DNAJC7: variants seen among roughly 807,000 people sequenced by gnomAD.
DNAJC7 encodes the protein dnaJ homolog subfamily C member 7.
DNAJC7 carries 18 observed loss-of-function variants against 67.4 expected under a neutral mutation model. The observed-to-expected ratio is 0.27, with a 90% CI of 0.18 to 0.40. DNAJC7 has a LOEUF of 0.40. Among genes scored for constraint, DNAJC7 ranks in the 10% least tolerant of loss-of-function variants. The probability of loss-of-function intolerance (pLI) is 1.00; values close to 1 mark genes in which losing one functional copy is unlikely to be tolerated. For synonymous variants in DNAJC7, 220 were observed against 207.8 expected (o/e 1.06, Z -0.50); for missense variants, 419 against 613.8 (o/e 0.68, Z 3.35).
At chr17:41,981,300 G>A (rs781884401) in intron 12 of DNAJC7, among the ~76,000 whole-genome samples, 3 of 152,114 alleles carry the variant, frequency 2.0e-5, no homozygotes, top group Non-Finnish European at 1.5e-5. Flanking sequence ...GGGTGCAAGC[G>A]ATTCTCATGC....
rs530032790 is a variant in DNAJC7, at chr17:41,986,407, C to T, written c.1010+1412G>A. ...CTCCATCCCAAAAAATAAAACAAAG[C>T]GATTTTTCTCTTCTCTTCCCATCCC... is the stretch of plus-strand genomic sequence containing the variant. On this transcript the variant is annotated intron_variant, in intron 9 of 13. Transcript: ENST00000457167. Among the ~76,000 whole-genome samples, 9 of 152,010 alleles carry T rather than the reference C, an allele frequency of 5.9e-5. 1 individual carries two copies. Among genetic ancestry groups the T allele is most frequent in the Admixed American group, 2.0e-4 (3 of 15,236 alleles).
chr17:41,999,984 A>C (rs2051764531), intron 2 of DNAJC7, among the ~76,000 whole-genome samples: 1 of 145,614 alleles, frequency 6.9e-6, no homozygotes, highest in African/African-American at 2.6e-5. Flanking sequence ...AGGCCCAGCT[A>C]ATTTTTGTAT....
At chr17:42,012,125 T>C (rs139110417) in intron 1 of DNAJC7, among the ~76,000 whole-genome samples, 74 of 152,346 alleles carry the variant, frequency 4.9e-4, no homozygotes, top group African/African-American at 1.7e-3. Flanking sequence ...ATCCCTTGAT[T>C]CTTTTAGATC....
chr17:41,994,575 C>T (rs1276605818), intron 5 of DNAJC7, among the ~76,000 whole-genome samples: 6 of 149,782 alleles, frequency 4.0e-5, no homozygotes, highest in African/African-American at 1.2e-4. Flanking sequence ...TTAATTCCAG[C>T]GGGCTTTCCC....
chr17:41,994,522 A>T (rs2051604296), intron 5 of DNAJC7, among the ~76,000 whole-genome samples: 1 of 124,052 alleles, frequency 8.1e-6, no homozygotes, highest in Non-Finnish European at 1.7e-5. Flanking sequence ...TAGGCCTCAA[A>T]AAAAAAAAAA....
Position 41,989,566 on chromosome 17 carries a change from G to T in DNAJC7, c.600-9C>A, listed in dbSNP as rs1555647397. 6 of 1,613,496 alleles carry T rather than the reference G, an allele frequency of 3.7e-6. No individual in the cohort carries two copies. The highest frequency in any genetic ancestry group is 1.7e-5 in the Admixed American group (1 of 59,996). ...CCATTCGTAGAATGTCACTGCAATA[G>T]TCAGAAAAGGGCACATTGAGCTGTG... On this transcript the variant is annotated splice_polypyrimidine_tract_variant and intron_variant, in intron 6 of 13. Transcript: ENST00000457167.
At chr17:41,983,358 A>C (rs949148007) in intron 10 of DNAJC7, among the ~76,000 whole-genome samples, 8 of 152,124 alleles carry the variant, frequency 5.3e-5, no homozygotes, top group African/African-American at 1.9e-4. Flanking sequence ...TCCTGATCTC[A>C]GGTGATCTGC....
intron 12 of DNAJC7, among the ~76,000 whole-genome samples, chr17:41,978,880 A>C (rs1203112317): frequency 2.0e-5 from 3 of 152,036 alleles, no homozygotes; most frequent in African/African-American, 7.2e-5. Context: ...ACTCCGTCTC[A>C]AAACAAAACA....
intron 1 of DNAJC7, chr17:42,003,237 T>A (rs1025790293): frequency 1.3e-5 from 2 of 152,232 alleles, no homozygotes. Context: ...GGGCACTTAG[T>A]GCTTTTAGAC....
chr17:41,988,237 C>CG (rs1445165260), intron 8 of DNAJC7, among the ~76,000 whole-genome samples: 1 of 152,166 alleles, frequency 6.6e-6, no homozygotes, highest in African/African-American at 2.4e-5. Context: ...AGAAATCACT[C>CG]TGATTTTTAA....
intron 1 of DNAJC7, among the ~76,000 whole-genome samples, chr17:42,007,180 GTCAATATCCC>G (rs2051989103): frequency 1.3e-5 from 2 of 151,878 alleles, no homozygotes; most frequent in South Asian, 4.2e-4. Context: ...CTGCCAATGA[GTCAATATCCC>G]TTATGCATTC....
intron 5 of DNAJC7, among the ~76,000 whole-genome samples, chr17:41,993,812 A>G (rs1031885737): frequency 4.6e-5 from 7 of 151,796 alleles, no homozygotes; most frequent in African/African-American, 1.7e-4. Context: ...CAAGGCGGGC[A>G]GATCACCTGA....
intron 1 of DNAJC7, among the ~76,000 whole-genome samples, chr17:42,007,134 T>C (rs1255793241): frequency 6.6e-6 from 1 of 152,104 alleles, no homozygotes; most frequent in African/African-American, 2.4e-5. Flanking sequence ...AAGATACTTT[T>C]CTTTTCCTTT....
At position 41,987,748 on chromosome 17, in the gene DNAJC7, G is replaced by A. The variant is rs77378432; in HGVS notation, c.1010+71C>T. On this transcript the variant is annotated intron_variant, in intron 9 of 13. Coordinates refer to ENST00000457167, the MANE Select transcript of DNAJC7 (RefSeq NM_003315.4). Reference sequence around the variant, plus strand: ...CTCACAACATCTCTGGGTCTGCTTCGTCATCCACAAGGCAATTCCCCTGAG... The same window carrying A: ...CTCACAACATCTCTGGGTCTGCTTCATCATCCACAAGGCAATTCCCCTGAG... The A allele has an allele frequency of 7.1e-3, 9,638 of 1,349,210 alleles. 502 individuals are homozygous for A. The East Asian group carries it at 0.15, about 21-fold the overall frequency. The allele number at this position is 1,349,210 out of a possible 1,614,324, so 83.6% of individuals were successfully genotyped here.
rs1179653116 is a variant in DNAJC7 at position 42,017,098 on chromosome 17, G to C, written c.77+242C>G. ...CTCGGCCTCTCCTATAAGGACGATC[G>C]TCCTCTCAGCTGGAGAACAAGGCCA... On this transcript the variant is annotated intron_variant, in intron 1 of 13. Transcript: ENST00000457167. 5 of 1,425,162 alleles carry C rather than the reference G, an allele frequency of 3.5e-6. No homozygotes were observed. In the African/African-American group the frequency reaches 5.8e-5, roughly 16 times the overall value. The allele number at this position is 1,425,162 out of a possible 1,614,324, so 88.3% of individuals were successfully genotyped here.
chr17:41,977,427 G>GA, intron 12 of DNAJC7, 104 bp from the exon 13 acceptor site: 1 of 1,085,080 alleles, frequency 9.2e-7, no homozygotes, highest in Non-Finnish European at 1.4e-6. Flanking sequence ...AGCTTTCCTG[G>GA]AGAGTCTCAC....
Position 42,002,046 on chromosome 17 carries a change from T to G in DNAJC7, c.78-1476A>C, listed in dbSNP as rs554894336. ...AAGAAAGATCCCCCAATTGCAAGAT[T>G]TAAAGAACCAACTGAAATCTTGCTA... On this transcript the variant is annotated intron_variant, in intron 1 of 13. Coordinates refer to ENST00000457167, the MANE Select transcript of DNAJC7 (RefSeq NM_003315.4). Among the ~76,000 whole-genome samples, 283 of 152,178 alleles carry G rather than the reference T, an allele frequency of 1.9e-3. 1 individual carries two copies. The highest frequency in any genetic ancestry group is 6.2e-3 in the African/African-American group (258 of 41,556).
chr17:42,003,692 A>T (rs2051868227), intron 1 of DNAJC7: 1 of 152,018 alleles, frequency 6.6e-6, no homozygotes, highest in Non-Finnish European at 1.5e-5. Flanking sequence ...ACTGAAACAC[A>T]CCAGTACTGA....
At chr17:42,017,094 G>A in intron 1 of DNAJC7, 1 of 1,422,564 alleles carries the variant, frequency 7.0e-7, no homozygotes, top group Non-Finnish European at 9.2e-7. Flanking sequence ...CTATAAGGAC[G>A]ATCGTCCTCT....
Sources: gnomAD v4.1 joint callset for allele counts (sites outside exome capture counted in the v4.1 genomes callset) on GRCh38, gnomAD v4.1.1 for gene constraint, MANE v1.5 for transcripts, NCBI Gene and HGNC (gene_info 2026-07-23, HGNC 2026-07-21) for gene names.